Variants in TAS2R1 observed in about 807,000 individuals in gnomAD.
TAS2R1 encodes taste receptor type 2 member 1.
For synonymous variants in TAS2R1, 141 were observed against 134.2 expected, an observed-to-expected ratio of 1.05 and a Z score of -0.35; for missense variants, 370 against 353.4, an observed-to-expected ratio of 1.05 and a Z score of -0.38.
intron 1 of TAS2R1, among the ~76,000 whole-genome samples, chr5:9,698,787 T>C (rs1741416182): frequency 6.6e-6 from 1 of 152,176 alleles, no homozygotes; most frequent in Non-Finnish European, 1.5e-5. Context: ...TGAACCGCAA[T>C]GAGATACGGC....
the TAS2R1 span, among the ~76,000 whole-genome samples, chr5:9,718,450 G>A: frequency 6.6e-6 from 1 of 151,806 alleles, no homozygotes; most frequent in Non-Finnish European, 1.5e-5. Context: ...CAGATACATG[G>A]CCTAGAACCA....
the TAS2R1 span, among the ~76,000 whole-genome samples, chr5:9,885,964 G>A: frequency 6.6e-6 from 1 of 151,886 alleles, no homozygotes; most frequent in African/African-American, 2.4e-5. Context: ...CATAGAGAAA[G>A]GATATTAAGA....
intron 2 of TAS2R1, among the ~76,000 whole-genome samples, chr5:9,643,902 A>G (rs567295141): frequency 6.6e-6 from 1 of 152,178 alleles, no homozygotes; most frequent in South Asian, 2.1e-4. Context: ...AGGAGGTGAT[A>G]AAAGACCTGG....
chr5:9,875,945 T>C, the TAS2R1 span, among the ~76,000 whole-genome samples: 2 of 152,284 alleles, frequency 1.3e-5, no homozygotes, highest in Non-Finnish European at 1.5e-5. Context: ...ATACCTAAGA[T>C]CAACCTCTTC....
At chr5:9,837,499 G>T in the TAS2R1 span, among the ~76,000 whole-genome samples, 42 of 152,302 alleles carry the variant, frequency 2.8e-4, no homozygotes, top group African/African-American at 9.6e-4. Flanking sequence ...ATTGTTCCTG[G>T]ATCTATATAT....
At chr5:9,785,312 A>C in the TAS2R1 span, among the ~76,000 whole-genome samples, 1 of 152,232 alleles carries the variant, frequency 6.6e-6, no homozygotes, top group Non-Finnish European at 1.5e-5. Context: ...ACAAAAATAG[A>C]ATCAATCATT....
chr5:9,853,819 C>A, the TAS2R1 span, among the ~76,000 whole-genome samples: 10 of 152,228 alleles, frequency 6.6e-5, no homozygotes, highest in African/African-American at 1.9e-4. Context: ...AGGATCACAA[C>A]AAGAAAAGGC....
the TAS2R1 span, among the ~76,000 whole-genome samples, chr5:9,768,749 A>C: frequency 2.0e-5 from 3 of 152,218 alleles, no homozygotes; most frequent in Admixed American, 2.0e-4. Flanking sequence ...CAGAGAAAAC[A>C]TGTTGACTAA....
intron 2 of TAS2R1, among the ~76,000 whole-genome samples, chr5:9,656,691 A>G (rs1397569238): frequency 6.6e-6 from 1 of 152,204 alleles, no homozygotes; most frequent in Non-Finnish European, 1.5e-5. Context: ...ATCCAGAAAT[A>G]ATGTGTAACC....
chr5:9,736,072 T>A, the TAS2R1 span, among the ~76,000 whole-genome samples: 1 of 152,212 alleles, frequency 6.6e-6, no homozygotes, highest in Non-Finnish European at 1.5e-5. Flanking sequence ...TTTACTAGTT[T>A]CAGCTTATTT....
At chr5:9,640,724 T>C (rs1294847483) in intron 2 of TAS2R1, among the ~76,000 whole-genome samples, 1 of 152,180 alleles carries the variant, frequency 6.6e-6, no homozygotes, top group African/African-American at 2.4e-5. Flanking sequence ...GAGAAGCAGA[T>C]TTGTGCTTTC....
At chr5:9,750,183 C>A in the TAS2R1 span, among the ~76,000 whole-genome samples, 30 of 152,176 alleles carry the variant, frequency 2.0e-4, no homozygotes, top group Non-Finnish European at 4.1e-4. Flanking sequence ...TGGCTGCACC[C>A]CTCTACGGAG....
chr5:9,651,532 GA>G (rs1740305380), intron 2 of TAS2R1, among the ~76,000 whole-genome samples: 2 of 152,118 alleles, frequency 1.3e-5, no homozygotes, highest in Admixed American at 1.3e-4. Flanking sequence ...TATTCCCAAA[GA>G]TTTTTTTCAT....
At chr5:9,801,658 C>T in the TAS2R1 span, among the ~76,000 whole-genome samples, 1 of 152,156 alleles carries the variant, frequency 6.6e-6, no homozygotes, top group East Asian at 1.9e-4. Context: ...CACTGGCCGC[C>T]TGGAAATAGA....
intron 2 of TAS2R1, among the ~76,000 whole-genome samples, chr5:9,636,462 T>C (rs776044990): frequency 3.3e-5 from 5 of 152,152 alleles, no homozygotes; most frequent in Non-Finnish European, 5.9e-5. Flanking sequence ...CCATTTGTTC[T>C]AGGGTATAGT....
At chr5:9,877,612 C>T in the TAS2R1 span, among the ~76,000 whole-genome samples, 1 of 152,258 alleles carries the variant, frequency 6.6e-6, no homozygotes, top group Non-Finnish European at 1.5e-5. Flanking sequence ...ATATGCTGCT[C>T]TGGGCTTCCT....
At chr5:9,831,037 A>G in the TAS2R1 span, among the ~76,000 whole-genome samples, 1 of 152,306 alleles carries the variant, frequency 6.6e-6, no homozygotes, top group East Asian at 1.9e-4. Context: ...GTTCAACACC[A>G]TTAAGATGTC....
chr5:9,864,644 A>G, the TAS2R1 span, among the ~76,000 whole-genome samples: 1 of 150,130 alleles, frequency 6.7e-6, no homozygotes, highest in Non-Finnish European at 1.5e-5. Context: ...AAAAAAAAAA[A>G]AAGAAGGTGA....
chr5:9,808,556 T>A, the TAS2R1 span, among the ~76,000 whole-genome samples: 1 of 152,224 alleles, frequency 6.6e-6, no homozygotes, highest in Admixed American at 6.5e-5. Context: ...TATGGCTATT[T>A]GATGAGGAGA....
Sources: allele counts gnomAD v4.1 joint callset (sites outside exome capture counted in the v4.1 genomes callset), GRCh38; gene constraint gnomAD v4.1.1; transcripts MANE v1.5; gene names NCBI Gene and HGNC (gene_info 2026-07-23, HGNC 2026-07-21).